Variants in TRPM7 observed in about 807,000 individuals in gnomAD.
The protein encoded by TRPM7 is transient receptor potential cation channel subfamily M member 7.
In TRPM7, 134 loss-of-function variants were observed where a neutral mutation model predicts 229.7. That is an observed-to-expected ratio of 0.58 (90% CI 0.51 to 0.67). The LOEUF is 0.67. TRPM7 is among the 30% of genes least tolerant of loss of function. The pLI, the probability that TRPM7 is intolerant of heterozygous loss-of-function variation, is 0.00. For missense variants in TRPM7, 1,901 were observed against 2,210.0 expected (o/e 0.86, Z 2.80); for synonymous variants, 699 against 715.2 (o/e 0.98, Z 0.36).
chr15:50,638,745 G>T (rs1471853187), intron 6 of TRPM7, among the ~76,000 whole-genome samples: 2 of 150,362 alleles, frequency 1.3e-5, no homozygotes, highest in African/African-American at 4.8e-5. Flanking sequence ...GAATGCAGTG[G>T]CTCAATTTCA....
chr15:50,574,617 GA>G lies in TRPM7; in HGVS notation c.5102+19del. The G allele has an allele frequency of 1.3e-6, 2 of 1,598,944 alleles. No homozygotes were observed. Among genetic ancestry groups the G allele is most frequent in the Non-Finnish European group, 1.7e-6 (2 of 1,173,222 alleles). On this transcript the variant is annotated intron_variant, in intron 35 of 38. Coordinates refer to ENST00000646667, the MANE Select transcript of TRPM7 (RefSeq NM_017672.6). ...GCTATCCATATAATAAAAGATCCCA[GA>G]AAAAAATTAAAGATTTACCTTGGAG...
intron 3 of TRPM7, among the ~76,000 whole-genome samples, chr15:50,650,097 G>A (rs1216944278): frequency 6.7e-6 from 1 of 149,760 alleles, no homozygotes; most frequent in Non-Finnish European, 1.5e-5. Flanking sequence ...GGAGGCTGAG[G>A]CAGGAGAATC....
In TRPM7 at chr15:50,613,721, G is replaced by A; in HGVS notation, c.1756C>T (p.Pro586Ser). The A allele has an allele frequency of 6.2e-7, 1 of 1,603,244 alleles. No homozygotes were observed. Among genetic ancestry groups the A allele is most frequent in the Admixed American group, 1.7e-5 (1 of 58,438 alleles). ...AATAAATTTACCTTTGGTCGGTAGG[G>A]CTGTGCTGTCTTAATGAAATGGTTA... ...RHNHFIKTAQ[P>S]YRPKIDTVME... Residue 586 changes from proline to serine, a missense_variant, in exon 15 of 39, where the codon CCC (proline) becomes TCC (serine). By Grantham distance (74) the Pro-to-Ser change is moderately conservative. This residue lies in a region of TRPM7 where 794 missense variants were observed against 881.9 expected (regional missense o/e 0.90). Transcript: ENST00000646667.
In TRPM7 at chr15:50,615,288, C is replaced by T. The variant is rs80206761; in HGVS notation, c.1495-1025G>A. 9.1e-3 allele frequency among the ~76,000 whole-genome samples: 1,375 copies of T among 151,470 alleles called. 12 individuals carry two copies. Among genetic ancestry groups the T allele is most frequent in the Non-Finnish European group, 0.016 (1,103 of 67,942 alleles). Reference sequence around the variant, plus strand: ...GGAAAAATAATGCTGTATTATGTTTCCAGACTGGCCCAGAAATACATGTTA... The same window carrying T: ...GGAAAAATAATGCTGTATTATGTTTTCAGACTGGCCCAGAAATACATGTTA... On this transcript the variant is annotated intron_variant, in intron 13 of 38. Coordinates refer to ENST00000646667, the MANE Select transcript of TRPM7 (RefSeq NM_017672.6).
Position 50,558,301 on chromosome 15 carries a change from T to C in TRPM7, c.*3377A>G, listed in dbSNP as rs73408905. On this transcript the variant is annotated 3_prime_UTR_variant, in exon 39 of 39. Coordinates refer to ENST00000646667, the MANE Select transcript of TRPM7 (RefSeq NM_017672.6). ...ATTCATGCCTGCAATTCTACCACTT[T>C]GGGAAGCTCAGGCGAGAGGATCACT... is the stretch of plus-strand genomic sequence containing the variant. 0.02 allele frequency: 3,104 copies of C among 152,386 alleles called. 123 individuals are homozygous for C. The highest frequency in any genetic ancestry group is 0.072 in the African/African-American group (2,972 of 41,536). The allele number at this position is 152,386 out of a possible 1,614,324, so 9.4% of individuals were successfully genotyped here. A position where few individuals can be genotyped will look rare whatever the true frequency, so the allele number is the denominator to read the frequency against.
intron 21 of TRPM7, chr15:50,603,971 G>A (rs975833088): frequency 2.6e-5 from 4 of 152,190 alleles, no homozygotes; most frequent in African/African-American, 9.7e-5. Context: ...AATAGTGAAT[G>A]TCTCTGAATA....
chr15:50,594,316 C>A, intron 24 of TRPM7, 113 bp downstream of exon 24: 3 of 988,258 alleles, frequency 3.0e-6, no homozygotes, highest in South Asian at 1.7e-5. Flanking sequence ...TAACAAAAAT[C>A]TACCATAACA....
Position 50,594,405 on chromosome 15 carries a change from TTTGCC to T in TRPM7, c.3475+19_3475+23del. 1.3e-6 allele frequency: 2 copies of T among 1,554,642 alleles called. No individual in the cohort carries two copies. The highest frequency in any genetic ancestry group is 2.4e-5 in the South Asian group (2 of 84,750). Reference sequence around the variant, plus strand: ...AATGAGAAGTGATAAAATGAAAACATTTGCCTTAATATAGTTTACTTACTTGGTCC... The same window carrying T: ...AATGAGAAGTGATAAAATGAAAACATTTAATATAGTTTACTTACTTGGTCC... On this transcript the variant is annotated intron_variant, in intron 24 of 38. Coordinates refer to ENST00000646667, the MANE Select transcript of TRPM7 (RefSeq NM_017672.6).
In TRPM7 at chr15:50,574,901, G is replaced by A; in HGVS notation, c.4970C>T (p.Thr1657Ile). The A allele has an allele frequency of 6.2e-7, 1 of 1,613,658 alleles. No homozygotes were observed. Among genetic ancestry groups the A allele is most frequent in the South Asian group, 1.1e-5 (1 of 91,072 alleles). ...ATCTTCTTTGTAAATACTTGACCAT[G>A]TATTAACCACCTCTGGAAGAAAAGA... Reference protein sequence around the residue: ...IKSFLPEVVNTWSSIYKEDTV... With the variant: ...IKSFLPEVVNIWSSIYKEDTV... The change falls in exon 34 of 39, where the codon ACA becomes ATA. Residue 1657 changes from threonine (T) to isoleucine (I), a missense_variant. By Grantham distance (89) the Thr-to-Ile change is moderately conservative. Transcript: ENST00000646667.
In TRPM7 at chr15:50,604,930, C is replaced by G; in HGVS notation, c.2924G>C (p.Arg975Pro). 6.2e-7 allele frequency: 1 copy of G among 1,613,114 alleles called. No individual in the cohort carries two copies. Among genetic ancestry groups the G allele is most frequent in the Non-Finnish European group, 8.5e-7 (1 of 1,179,510 alleles). ...ATTTACAGCTAGAAAATCTAGCAAACGCACATACCAAAATATTATGTTAAG... is the reference window on the plus strand; with the variant it reads ...ATTTACAGCTAGAAAATCTAGCAAAGGCACATACCAAAATATTATGTTAAG... The part of the protein sequence containing the change: ...YCLNIIFWYV[R>P]LLDFLAVNQQ... The change falls in exon 21 of 39, where the codon CGT becomes CCT. Residue 975 changes from arginine to proline, a missense_variant. Coordinates refer to ENST00000646667, the MANE Select transcript of TRPM7 (RefSeq NM_017672.6).
chr15:50,658,786 T>C (rs577754170), intron 2 of TRPM7, among the ~76,000 whole-genome samples: 14 of 152,304 alleles, frequency 9.2e-5, no homozygotes, highest in African/African-American at 3.1e-4. Flanking sequence ...TACAAGGTCG[T>C]TGACTGCAGA....
chr15:50,628,546 T>C (rs1300970789), intron 10 of TRPM7, among the ~76,000 whole-genome samples: 1 of 152,166 alleles, frequency 6.6e-6, no homozygotes, highest in Non-Finnish European at 1.5e-5. Context: ...CCTCAAGTGA[T>C]CCTGCCACTT....
chr15:50,636,224 C>A (rs2060902872), intron 7 of TRPM7, among the ~76,000 whole-genome samples: 1 of 147,934 alleles, frequency 6.8e-6, no homozygotes, highest in Non-Finnish European at 1.5e-5. Context: ...CTTGCTCTGT[C>A]AACCAGGCTG....
Position 50,605,033 on chromosome 15 carries a change from G to C in TRPM7, c.2821C>G (p.Leu941Val). The C allele has an allele frequency of 6.2e-7, 1 of 1,613,840 alleles. No individual in the cohort carries two copies. The highest frequency in any genetic ancestry group is 1.7e-5 in the Admixed American group (1 of 60,004). The change falls in exon 21 of 39, where the codon CTA becomes GTA. Residue 941 changes from leucine to valine, a missense_variant. Physicochemically the swap from Leu to Val is conservative, Grantham distance 32. Coordinates refer to ENST00000646667, the MANE Select transcript of TRPM7 (RefSeq NM_017672.6). ...AAGTTCCATTTTGCTCCAAATCTTAGTCCAAATCCAATGAAGAAAGAAATT... is the reference window on the plus strand; with the variant it reads ...AAGTTCCATTTTGCTCCAAATCTTACTCCAAATCCAATGAAGAAAGAAATT... The part of the protein sequence containing the change: ...AIISFFIGFG[L>V]RFGAKWNFAN...
chr15:50,593,778 A>G, intron 24 of TRPM7, 29 bp from the exon 25 acceptor site: 1 of 1,588,752 alleles, frequency 6.3e-7, no homozygotes, highest in Non-Finnish European at 8.5e-7. Flanking sequence ...AAGAAAATCA[A>G]GGAAGAGCTA....
chr15:50,641,039 T>A (rs1460272981), intron 5 of TRPM7, among the ~76,000 whole-genome samples: 1 of 152,216 alleles, frequency 6.6e-6, no homozygotes. Context: ...CAGTTTGATC[T>A]CCATAATGCA....
In TRPM7 at chr15:50,648,904, A is replaced by G; in HGVS notation, c.123-19T>C. ...AAAACACCTAAAAGAAAAAGGTGAG[A>G]TTAAAACACCCTTCAAAAAATTAGA... On this transcript the variant is annotated intron_variant, in intron 3 of 38. Coordinates refer to ENST00000646667, the MANE Select transcript of TRPM7 (RefSeq NM_017672.6). 6.4e-7 allele frequency: 1 copy of G among 1,572,960 alleles called. No individual in the cohort carries two copies. The highest frequency in any genetic ancestry group is 8.6e-7 in the Non-Finnish European group (1 of 1,158,194).
chr15:50,679,523 T>TATATATATATA (rs2062190119), intron 1 of TRPM7, among the ~76,000 whole-genome samples: 1 of 44,782 alleles, frequency 2.2e-5, no homozygotes, highest in Admixed American at 1.9e-4. Context: ...TATATATATA[T>TATATATATATA]ATATATATAT....
At chr15:50,590,921 A>T (rs904270359) in intron 26 of TRPM7, among the ~76,000 whole-genome samples, 5 of 152,180 alleles carry the variant, frequency 3.3e-5, no homozygotes, top group African/African-American at 1.2e-4. Flanking sequence ...TAATATCAAC[A>T]TGTTTAGTGC....
Sources: gnomAD v4.1 joint callset for allele counts (sites outside exome capture counted in the v4.1 genomes callset) on GRCh38, gnomAD v4.1.1 for gene constraint, gnomAD v4.1.1 regional missense constraint, MANE v1.5 for transcripts, NCBI Gene and HGNC (gene_info 2026-07-23, HGNC 2026-07-21) for gene names.